The following CSMD1 variants were observed in gnomAD, a reference collection of about 807,000 sequenced individuals.
CSMD1 encodes CUB and sushi domain-containing protein 1.
Under a neutral mutation model 417.5 loss-of-function variants are expected in CSMD1, and 213 were observed. That is an observed-to-expected ratio of 0.51 (90% CI 0.46 to 0.57). The LOEUF (loss-of-function observed/expected upper bound fraction) is 0.57, where lower values mean the gene tolerates loss of function less well. Among genes scored for constraint, CSMD1 ranks in the 20% least tolerant of loss-of-function variants. The pLI, the probability that CSMD1 is intolerant of heterozygous loss-of-function variation, is 0.00. For missense variants in CSMD1, 6,923 were observed against 4,529.7 expected, an observed-to-expected ratio of 1.53 and a Z score of -15.17; for synonymous variants, 2,862 against 1,736.8, an observed-to-expected ratio of 1.65 and a Z score of -16.11.
chr8:4,387,570 C>CAAAAAAAAA (rs540419006), intron 3 of CSMD1, among the ~76,000 whole-genome samples: 540 of 37,200 alleles, frequency 0.015, 129 homozygotes, highest in South Asian at 0.044. Context: ...TCCAAACTGG[C>CAAAAAAAAA]AAAAAAAAAA....
chr8:4,532,984 T>A (rs950936177), intron 2 of CSMD1, among the ~76,000 whole-genome samples: 2 of 151,906 alleles, frequency 1.3e-5, no homozygotes, highest in Non-Finnish European at 2.9e-5. Flanking sequence ...ACAGTCACTC[T>A]GGAAAAGAAA....
At chr8:4,829,568 C>A (rs1800023759) in intron 1 of CSMD1, among the ~76,000 whole-genome samples, 1 of 151,998 alleles carries the variant, frequency 6.6e-6, no homozygotes, top group Admixed American at 6.6e-5. Context: ...ATGGCAACCT[C>A]ATCTTTATAG....
At chr8:4,642,905 C>T (rs139532874) in intron 1 of CSMD1, among the ~76,000 whole-genome samples, 1 of 152,148 alleles carries the variant, frequency 6.6e-6, no homozygotes, top group Admixed American at 6.5e-5. Flanking sequence ...TATGTGGAGA[C>T]AGCCATGCAG....
intron 5 of CSMD1, among the ~76,000 whole-genome samples, chr8:3,757,475 C>T (rs1020213920): frequency 6.6e-6 from 1 of 152,096 alleles, no homozygotes; most frequent in African/African-American, 2.4e-5. Context: ...TTTTTTCAGT[C>T]ACTTAACAAT....
At chr8:4,770,098 T>C (rs1045225733) in intron 1 of CSMD1, among the ~76,000 whole-genome samples, 2 of 151,710 alleles carry the variant, frequency 1.3e-5, no homozygotes, top group African/African-American at 4.8e-5. Flanking sequence ...TTCATGCTCA[T>C]AGATCAAAAT....
At chr8:4,751,281 A>T (rs12056373) in intron 1 of CSMD1, among the ~76,000 whole-genome samples, 1 of 151,792 alleles carries the variant, frequency 6.6e-6, no homozygotes, top group South Asian at 2.1e-4. Context: ...GCTACTTGGG[A>T]GGCTGAGGCA....
chr8:4,895,912 C>G (rs1804450418), intron 1 of CSMD1, among the ~76,000 whole-genome samples: 1 of 152,040 alleles, frequency 6.6e-6, no homozygotes, highest in Admixed American at 6.5e-5. Flanking sequence ...AATTTTGGTT[C>G]AGAATTGTTA....
chr8:4,275,176 G>GT lies in CSMD1; in HGVS notation c.415+144776dup, dbSNP rs1000441320. On this transcript the variant is annotated intron_variant, in intron 3 of 69. Coordinates refer to ENST00000635120, the MANE Select transcript of CSMD1 (RefSeq NM_033225.6). ...TTACGGCATAGTTACATTTTCTGGGGTTTTTTCTTTCTAGTTTTTAAGATA... is the reference window on the plus strand; with the variant it reads ...TTACGGCATAGTTACATTTTCTGGGGTTTTTTTCTTTCTAGTTTTTAAGATA... Among the ~76,000 whole-genome samples the GT allele has an allele frequency of 8.6e-5, 13 of 152,008 alleles. 1 individual carries two copies. Among genetic ancestry groups the GT allele is most frequent in the African/African-American group, 2.7e-4 (11 of 41,478 alleles).
intron 5 of CSMD1, among the ~76,000 whole-genome samples, chr8:3,877,055 G>A (rs754463078): frequency 3.3e-5 from 5 of 152,028 alleles, no homozygotes; most frequent in Admixed American, 2.0e-4. Context: ...TTTGCCTGTC[G>A]TAACCACAAT....
intron 3 of CSMD1, among the ~76,000 whole-genome samples, chr8:4,352,770 A>C (rs150585668): frequency 6.6e-6 from 1 of 152,216 alleles, no homozygotes; most frequent in African/African-American, 2.4e-5. Flanking sequence ...ATGGCAGACA[A>C]ATCTACTGTT....
At chr8:3,228,148 G>A (rs912180134) in intron 27 of CSMD1, among the ~76,000 whole-genome samples, 3 of 151,972 alleles carry the variant, frequency 2.0e-5, no homozygotes, top group African/African-American at 7.2e-5. Flanking sequence ...TTGTCTCCAG[G>A]TAAAAAGATG....
intron 37 of CSMD1, among the ~76,000 whole-genome samples, chr8:3,175,201 T>C (rs1451051372): frequency 1.3e-5 from 2 of 152,202 alleles, no homozygotes; most frequent in Admixed American, 6.5e-5. Flanking sequence ...TCAACTATAC[T>C]AAAAATGTAG....
intron 3 of CSMD1, among the ~76,000 whole-genome samples, chr8:4,209,058 C>T (rs1017831242): frequency 1.3e-5 from 2 of 152,190 alleles, no homozygotes; most frequent in Non-Finnish European, 2.9e-5. Flanking sequence ...CTTCTTGCTT[C>T]TTGAATTTTT....
chr8:3,293,802 T>C (rs1433325048), intron 25 of CSMD1, among the ~76,000 whole-genome samples: 2 of 152,226 alleles, frequency 1.3e-5, no homozygotes, highest in Admixed American at 1.3e-4. Flanking sequence ...AGTAGTTTGA[T>C]CATCTGAAGC....
intron 5 of CSMD1, among the ~76,000 whole-genome samples, chr8:3,929,684 T>C (rs1810005668): frequency 2.0e-5 from 3 of 149,618 alleles, no homozygotes; most frequent in African/African-American, 4.9e-5. Flanking sequence ...TTTTTTGAGA[T>C]GGAGTTTCAC....
At chr8:2,991,992 A>T (rs929101684) in intron 54 of CSMD1, among the ~76,000 whole-genome samples, 1 of 152,260 alleles carries the variant, frequency 6.6e-6, no homozygotes, top group African/African-American at 2.4e-5. Context: ...CAGTATAAAC[A>T]TAACAGATTT....
chr8:4,263,813 A>C (rs560192048), intron 3 of CSMD1, among the ~76,000 whole-genome samples: 1 of 152,172 alleles, frequency 6.6e-6, no homozygotes, highest in African/African-American at 2.4e-5. Context: ...TAAATTATAC[A>C]TATTTTCTAA....
At chr8:4,343,359 T>A (rs1043639591) in intron 3 of CSMD1, among the ~76,000 whole-genome samples, 1 of 152,048 alleles carries the variant, frequency 6.6e-6, no homozygotes, top group Non-Finnish European at 1.5e-5. Flanking sequence ...TATAGAACAG[T>A]GTGACTGAAT....
intron 1 of CSMD1, among the ~76,000 whole-genome samples, chr8:4,651,777 A>G (rs1025809805): frequency 5.3e-5 from 8 of 152,194 alleles, no homozygotes; most frequent in African/African-American, 1.7e-4. Flanking sequence ...TTTAATGGGC[A>G]AGCTGTGTGA....
Sources: allele counts gnomAD v4.1 joint callset (sites outside exome capture counted in the v4.1 genomes callset), GRCh38; gene constraint gnomAD v4.1.1; transcripts MANE v1.5; gene names NCBI Gene and HGNC (gene_info 2026-07-23, HGNC 2026-07-21).